The following SDK1 variants were observed in gnomAD, a reference collection of about 807,000 sequenced individuals.
SDK1 encodes sidekick cell adhesion molecule 1.
SDK1 carries 157 observed loss-of-function variants against 245.5 expected under a neutral mutation model. The ratio of observed to expected loss-of-function variants is 0.64; its 90% confidence interval spans 0.56 to 0.73. The LOEUF is 0.73. Ranked by LOEUF, SDK1 falls within the 30% of genes least tolerant of loss-of-function variation. SDK1 has a pLI of 0.00. For missense variants in SDK1, 3,583 were observed against 3,002.3 expected, an observed-to-expected ratio of 1.19 and a Z score of -4.52; for synonymous variants, 1,647 against 1,278.5, an observed-to-expected ratio of 1.29 and a Z score of -6.15.
At chr7:3,360,995 A>G (rs1780936160) in intron 1 of SDK1, among the ~76,000 whole-genome samples, 1 of 152,208 alleles carries the variant, frequency 6.6e-6, no homozygotes, top group African/African-American at 2.4e-5. Context: ...CTAAAGAAAC[A>G]AAATGGTGTG....
intron 1 of SDK1, among the ~76,000 whole-genome samples, chr7:3,370,884 GCTC>G (rs1298204543): frequency 1.3e-5 from 2 of 152,100 alleles, no homozygotes; most frequent in Non-Finnish European, 2.9e-5. Flanking sequence ...TCCCTCACCT[GCTC>G]CTCCTCTGTC....
chr7:3,713,039 A>T (rs564165023), intron 4 of SDK1, among the ~76,000 whole-genome samples: 1 of 152,354 alleles, frequency 6.6e-6, no homozygotes, highest in South Asian at 2.1e-4. Flanking sequence ...AGGCGTGCCC[A>T]TGTGGCTGGG....
At chr7:3,616,133 G>A (rs192746916) in intron 1 of SDK1, among the ~76,000 whole-genome samples, 9 of 152,092 alleles carry the variant, frequency 5.9e-5, no homozygotes, top group African/African-American at 1.7e-4. Flanking sequence ...CAATCCTTCC[G>A]CCTCAGCCTC....
chr7:4,099,747 T>C (rs1782412835), intron 22 of SDK1, among the ~76,000 whole-genome samples: 1 of 139,954 alleles, frequency 7.1e-6, no homozygotes, highest in Admixed American at 7.2e-5. Flanking sequence ...AGGCACAGAG[T>C]GGGGCGTGTG....
At chr7:3,586,132 C>T (rs1780680253) in intron 1 of SDK1, among the ~76,000 whole-genome samples, 1 of 151,418 alleles carries the variant, frequency 6.6e-6, no homozygotes, top group Admixed American at 6.6e-5. Flanking sequence ...GGAGAGAGCG[C>T]TGAGGGCTTC....
chr7:3,966,512 C>T (rs1479207338), intron 9 of SDK1, among the ~76,000 whole-genome samples: 1 of 152,078 alleles, frequency 6.6e-6, no homozygotes, highest in Non-Finnish European at 1.5e-5. Flanking sequence ...GGGCCGTGAC[C>T]ATCCCCCATG....
At chr7:4,051,890 A>G (rs1778875483) in intron 19 of SDK1, 60 bp downstream of exon 19, 3 of 1,474,908 alleles carry the variant, frequency 2.0e-6, no homozygotes, top group Non-Finnish European at 2.8e-6. Context: ...ATACCGCTGC[A>G]ACTTCCAGAA....
intron 1 of SDK1, among the ~76,000 whole-genome samples, chr7:3,418,598 C>T (rs959082815): frequency 5.3e-5 from 8 of 152,114 alleles, no homozygotes; most frequent in East Asian, 1.9e-4. Context: ...TAAGTCTTCA[C>T]GTGAGCATGA....
intron 1 of SDK1, among the ~76,000 whole-genome samples, chr7:3,328,709 T>A (rs1779994395): frequency 6.6e-6 from 1 of 152,130 alleles, no homozygotes; most frequent in Admixed American, 6.5e-5. Context: ...ATTTCATCCC[T>A]CTTTTACTTA....
intron 14 of SDK1, among the ~76,000 whole-genome samples, chr7:3,989,663 C>G (rs939054708): frequency 1.3e-5 from 2 of 152,164 alleles, no homozygotes; most frequent in African/African-American, 4.8e-5. Context: ...CCCGTGGGTC[C>G]CTGGTGCTGC....
chr7:4,136,935 C>T (rs904624817), intron 28 of SDK1, among the ~76,000 whole-genome samples: 4 of 152,218 alleles, frequency 2.6e-5, no homozygotes, highest in African/African-American at 9.6e-5. Flanking sequence ...GCTCGGCCAG[C>T]GTGGGCGTCC....
chr7:3,565,202 C>T (rs1057282846), intron 1 of SDK1, among the ~76,000 whole-genome samples: 12 of 151,938 alleles, frequency 7.9e-5, no homozygotes, highest in East Asian at 1.9e-4. Flanking sequence ...TTCTTCCATC[C>T]GCTGTAGCAG....
chr7:3,363,898 T>C (rs1223656749), intron 1 of SDK1, among the ~76,000 whole-genome samples: 3 of 152,232 alleles, frequency 2.0e-5, no homozygotes, highest in Non-Finnish European at 4.4e-5. Flanking sequence ...TGAAGTGTTA[T>C]ACTATTTTAC....
chr7:3,590,378 A>G (rs559178179), intron 1 of SDK1, among the ~76,000 whole-genome samples: 2 of 144,718 alleles, frequency 1.4e-5, no homozygotes, highest in African/African-American at 5.2e-5. Flanking sequence ...AAGACAAATT[A>G]TGGATAAATT....
At position 3,570,776 on chromosome 7, in the gene SDK1, C is replaced by G. The variant is rs544791035; in HGVS notation, c.299-48304C>G. On this transcript the variant is annotated intron_variant, in intron 1 of 44. Transcript: ENST00000404826. ...GATGGGTCCCTAAAGGCATTTCAGGCTTTGCTCCACAAAGTACTCTCTTTT... is the reference window on the plus strand; with the variant it reads ...GATGGGTCCCTAAAGGCATTTCAGGGTTTGCTCCACAAAGTACTCTCTTTT... 1.2e-4 allele frequency among the ~76,000 whole-genome samples: 18 copies of G among 152,262 alleles called. No individual in the cohort carries two copies. In the South Asian group the frequency reaches 3.3e-3, roughly 28 times the overall value.
Position 3,535,280 on chromosome 7 carries a change from T to G in SDK1, c.299-83800T>G, listed in dbSNP as rs1048938745. On this transcript the variant is annotated intron_variant, in intron 1 of 44. Transcript: ENST00000404826. The stretch of plus-strand genomic sequence containing the variant: ...ACTTTGTCTCCAAAAAAATAATAAA[T>G]AAAGAAAAAGAAAACTGTTAGGCTA... 3.3e-5 allele frequency among the ~76,000 whole-genome samples: 5 copies of G among 152,172 alleles called. No homozygotes were observed. The East Asian group carries it at 5.8e-4, about 18-fold the overall frequency.
At chr7:3,606,269 C>A (rs1257398267) in intron 1 of SDK1, among the ~76,000 whole-genome samples, 1 of 152,162 alleles carries the variant, frequency 6.6e-6, no homozygotes, top group Non-Finnish European at 1.5e-5. Flanking sequence ...GTCTGATCAA[C>A]CATTGCCACC....
Position 3,603,092 on chromosome 7 carries a change from G to A in SDK1, c.299-15988G>A, listed in dbSNP as rs1781302447. Among the ~76,000 whole-genome samples the A allele has an allele frequency of 1.3e-5, 2 of 151,438 alleles. 1 individual carries two copies. The highest frequency in any genetic ancestry group is 4.2e-4 in the South Asian group (2 of 4,762). Reference sequence around the variant, plus strand: ...CTGTTTTGGTTACTGTAGCCTTGTAGTATAGTTTGAAGTCAGGTAGCGTGA... The same window carrying A: ...CTGTTTTGGTTACTGTAGCCTTGTAATATAGTTTGAAGTCAGGTAGCGTGA... On this transcript the variant is annotated intron_variant, in intron 1 of 44. Transcript: ENST00000404826.
At chr7:3,842,815 C>G (rs1217212907) in intron 5 of SDK1, among the ~76,000 whole-genome samples, 1 of 152,074 alleles carries the variant, frequency 6.6e-6, no homozygotes, top group Non-Finnish European at 1.5e-5. Context: ...TAGGGCAGAG[C>G]TATCTGAATC....
Sources: gnomAD v4.1 joint callset for allele counts (sites outside exome capture counted in the v4.1 genomes callset) on GRCh38, gnomAD v4.1.1 for gene constraint, MANE v1.5 for transcripts, NCBI Gene and HGNC (gene_info 2026-07-23, HGNC 2026-07-21) for gene names.